USH2A: variants seen among roughly 807,000 people sequenced by gnomAD.
USH2A encodes the protein usherin.
USH2A carries 443 observed loss-of-function variants against 538.9 expected under a neutral mutation model. The ratio of observed to expected loss-of-function variants is 0.82; its 90% CI spans 0.76 to 0.89. USH2A has a LOEUF of 0.89. USH2A is among the 40% of genes least tolerant of loss of function. The probability of loss-of-function intolerance (pLI) is 0.00; values close to 1 mark genes in which losing one functional copy is unlikely to be tolerated. For missense variants in USH2A, 6,633 were observed against 6,324.8 expected, an observed-to-expected ratio of 1.05 and a Z score of -1.65; for synonymous variants, 2,413 against 2,273.5, an observed-to-expected ratio of 1.06 and a Z score of -1.75.
intron 21 of USH2A, among the ~76,000 whole-genome samples, chr1:216,172,702 C>T (rs1055025418): frequency 6.6e-6 from 1 of 152,092 alleles, no homozygotes; most frequent in Non-Finnish European, 1.5e-5. Flanking sequence ...CTGATGCCTA[C>T]ATGTCTTTGG....
At chr1:216,174,731 T>C in intron 21 of USH2A, 1 of 995,380 alleles carries the variant, frequency 1.0e-6, no homozygotes, top group Non-Finnish European at 1.2e-6. Context: ...ACATGAGATA[T>C]TAAGTTGTCA....
chr1:215,773,858 A>T (rs1661376921), intron 55 of USH2A, among the ~76,000 whole-genome samples: 1 of 152,178 alleles, frequency 6.6e-6, no homozygotes, highest in Non-Finnish European at 1.5e-5. Context: ...AATCTGTGAA[A>T]ATCCAGATGT....
chr1:216,338,210 G>GA (rs1435551144), intron 4 of USH2A, among the ~76,000 whole-genome samples: 1 of 151,434 alleles, frequency 6.6e-6, no homozygotes, highest in Non-Finnish European at 1.5e-5. Flanking sequence ...AGGCTGGTAA[G>GA]AAGGAATCCA....
chr1:216,151,294 G>A (rs906465334), intron 21 of USH2A, among the ~76,000 whole-genome samples: 4 of 151,848 alleles, frequency 2.6e-5, no homozygotes, highest in Non-Finnish European at 2.9e-5. Context: ...GTTTTGCCTC[G>A]CACAAGGTCT....
chr1:216,296,346 C>T (rs2102616339), intron 9 of USH2A, among the ~76,000 whole-genome samples: 1 of 151,948 alleles, frequency 6.6e-6, no homozygotes, highest in African/African-American at 2.4e-5. Context: ...ATTTGCAAAC[C>T]TTTAGGCTAA....
Position 215,648,442 on chromosome 1 carries a change from C to T in USH2A, c.14582+86G>A, listed in dbSNP as rs1367206161. 6.4e-6 allele frequency: 9 copies of T among 1,415,264 alleles called. No homozygotes were observed. The South Asian group carries it at 6.9e-5, about 11-fold the overall frequency. 87.7% of individuals were successfully genotyped at this position (1,415,264 alleles called of 1,614,324 possible). On this transcript the variant is annotated intron_variant, in intron 66 of 71. Transcript: ENST00000307340. Reference sequence around the variant, plus strand: ...CCAGGTAGCTATACAGGTTTGTAGCCTAGGTGCAGAGTAGGCTATACCATG... The same window carrying T: ...CCAGGTAGCTATACAGGTTTGTAGCTTAGGTGCAGAGTAGGCTATACCATG...
At chr1:215,783,908 A>T (rs2102764446) in intron 52 of USH2A, among the ~76,000 whole-genome samples, 2 of 152,274 alleles carry the variant, frequency 1.3e-5, no homozygotes, top group Middle Eastern at 6.8e-3. Context: ...ATGGAGAGAC[A>T]TTCTCCTTAT....
chr1:216,296,268 C>T (rs1293120604), intron 9 of USH2A, among the ~76,000 whole-genome samples: 2 of 151,980 alleles, frequency 1.3e-5, no homozygotes, highest in Non-Finnish European at 2.9e-5. Context: ...AAGTTAAACT[C>T]TATGGTCAAT....
chr1:216,157,852 C>A (rs1237247422), intron 21 of USH2A, among the ~76,000 whole-genome samples: 4 of 152,160 alleles, frequency 2.6e-5, no homozygotes, highest in African/African-American at 9.6e-5. Context: ...GGATACCACG[C>A]TCACTACTTG....
chr1:215,845,877 T>C lies in USH2A; in HGVS notation c.9002A>G (p.Asn3001Ser), dbSNP rs201564941. 4 of 1,613,900 alleles carry C rather than the reference T, an allele frequency of 2.5e-6. No individual in the cohort carries two copies. Among genetic ancestry groups the C allele is most frequent in the African/African-American group, 1.3e-5 (1 of 75,038 alleles). ...TEYWIFISVF[N>S]GVHSINSAGL... ...TGCACTGTTGATGCTGTGGACTCCA[T>C]TGAAGACAGAGATAAAGATCCAATA... Residue 3001 changes from asparagine to serine, a missense_variant, in exon 45 of 72, where the codon AAT becomes AGT. Asn to Ser is a conservative substitution (Grantham distance 46). Transcript: ENST00000307340.
At chr1:216,382,750 C>G (rs142310503) in intron 3 of USH2A, among the ~76,000 whole-genome samples, 1 of 151,778 alleles carries the variant, frequency 6.6e-6, no homozygotes, top group Non-Finnish European at 1.5e-5. Flanking sequence ...AGAGTCTGAA[C>G]GGAAGAAGAA....
At chr1:215,968,335 T>C (rs1325521) in intron 36 of USH2A, among the ~76,000 whole-genome samples, 1 of 152,048 alleles carries the variant, frequency 6.6e-6, no homozygotes, top group Non-Finnish European at 1.5e-5. Flanking sequence ...GTGGGTTTTT[T>C]TTGTTGCTGT....
At chr1:215,651,169 G>A (rs927717143) in intron 64 of USH2A, among the ~76,000 whole-genome samples, 1 of 152,116 alleles carries the variant, frequency 6.6e-6, no homozygotes, top group Non-Finnish European at 1.5e-5. Flanking sequence ...AAAAAACTCA[G>A]CAATTCTTAA....
chr1:216,193,542 T>C (rs1451412347), intron 19 of USH2A, among the ~76,000 whole-genome samples: 1 of 152,018 alleles, frequency 6.6e-6, no homozygotes, highest in East Asian at 1.9e-4. Context: ...TAAGACCTTG[T>C]TTGGAAATAA....
chr1:215,911,396 A>G (rs1217144496), intron 38 of USH2A, among the ~76,000 whole-genome samples: 2 of 151,776 alleles, frequency 1.3e-5, no homozygotes, highest in Non-Finnish European at 2.9e-5. Flanking sequence ...TCTACTCTCT[A>G]AACCCATGAG....
chr1:216,007,022 TC>T (rs988687417), intron 32 of USH2A, among the ~76,000 whole-genome samples: 3 of 152,120 alleles, frequency 2.0e-5, no homozygotes, highest in African/African-American at 7.2e-5. Flanking sequence ...GGGGGCAGTT[TC>T]CCCCTTCTGT....
chr1:215,949,277 A>G (rs1180617785), intron 37 of USH2A, among the ~76,000 whole-genome samples: 1 of 152,108 alleles, frequency 6.6e-6, no homozygotes, highest in Non-Finnish European at 1.5e-5. Context: ...CAAAACTTTA[A>G]TGGAGATACA....
chr1:216,067,288 GAT>G (rs1300672201), intron 30 of USH2A, among the ~76,000 whole-genome samples: 1 of 152,112 alleles, frequency 6.6e-6, no homozygotes, highest in East Asian at 1.9e-4. Flanking sequence ...GTAGGGGAGA[GAT>G]AGCATTAGGA....
At chr1:215,743,109 T>A (rs1660351778) in intron 59 of USH2A, 68 bp downstream of exon 59, 2 of 1,565,400 alleles carry the variant, frequency 1.3e-6, no homozygotes, top group East Asian at 4.6e-5. Context: ...TGTATTCCTT[T>A]TTAATGAAAT....
Sources: allele counts gnomAD v4.1 joint callset (sites outside exome capture counted in the v4.1 genomes callset), GRCh38; gene constraint gnomAD v4.1.1; transcripts MANE v1.5; gene names NCBI Gene and HGNC (gene_info 2026-07-23, HGNC 2026-07-21).